Variants in MDGA2 observed in about 807,000 individuals in gnomAD.
MDGA2 encodes MAM domain-containing glycosylphosphatidylinositol anchor protein 2.
A neutral mutation model predicts 117.8 loss-of-function variants in MDGA2; 40 were observed. The ratio of observed to expected loss-of-function variants is 0.34; its 90% CI spans 0.26 to 0.44. The LOEUF (loss-of-function observed/expected upper bound fraction) is 0.44, where lower values mean the gene tolerates loss of function less well. Among genes scored for constraint, MDGA2 ranks in the 20% least tolerant of loss-of-function variants. MDGA2 has a pLI of 1.00. For synonymous variants in MDGA2, 452 were observed against 439.0 expected (o/e 1.03, Z -0.37); for missense variants, 1,123 against 1,250.6 (o/e 0.90, Z 1.54).
chr14:47,341,779 G>T (rs1220160176), intron 1 of MDGA2, among the ~76,000 whole-genome samples: 3 of 152,160 alleles, frequency 2.0e-5, no homozygotes, highest in Non-Finnish European at 4.4e-5. Flanking sequence ...GGCTGAAGTG[G>T]AGAAAACAGC....
rs17117918 is a variant in MDGA2 at position 47,024,164 on chromosome 14, C to T, written c.1819+10847G>A. Reference sequence around the variant, plus strand: ...TCATACATAGCTCTCTAAATATCTGCATCATCTGCCTCTATATCTATGTAT... The same window carrying T: ...TCATACATAGCTCTCTAAATATCTGTATCATCTGCCTCTATATCTATGTAT... On this transcript the variant is annotated intron_variant, in intron 8 of 16. Coordinates refer to ENST00000399232, the MANE Select transcript of MDGA2 (RefSeq NM_001113498.3). 4.2e-3 allele frequency among the ~76,000 whole-genome samples: 639 copies of T among 152,254 alleles called. 7 individuals are homozygous for T. The highest frequency in any genetic ancestry group is 0.015 in the African/African-American group (610 of 41,572).
At chr14:47,148,790 G>A (rs552706792) in intron 3 of MDGA2, among the ~76,000 whole-genome samples, 6 of 152,262 alleles carry the variant, frequency 3.9e-5, no homozygotes, top group African/African-American at 1.4e-4. Flanking sequence ...ATTGCCTCAG[G>A]TACAGAAATT....
chr14:47,455,464 C>T (rs1893329860), intron 1 of MDGA2, among the ~76,000 whole-genome samples: 1 of 151,906 alleles, frequency 6.6e-6, no homozygotes, highest in Non-Finnish European at 1.5e-5. Flanking sequence ...CAAGATCATG[C>T]CACTTTACTC....
intron 1 of MDGA2, among the ~76,000 whole-genome samples, chr14:47,655,694 A>T (rs75768344): frequency 0.016 from 2,509 of 152,220 alleles, 66 homozygotes; most frequent in African/African-American, 0.056. Flanking sequence ...TTTCCCCATC[A>T]ATAAGAAGGT....
intron 8 of MDGA2, among the ~76,000 whole-genome samples, chr14:47,022,062 A>T (rs1053637328): frequency 3.0e-4 from 45 of 152,216 alleles, no homozygotes; most frequent in African/African-American, 1.0e-3. Flanking sequence ...AATCTAAATC[A>T]TTTGAAAATA....
chr14:47,409,257 T>C (rs554781736), intron 1 of MDGA2, among the ~76,000 whole-genome samples: 1 of 152,322 alleles, frequency 6.6e-6, no homozygotes, highest in South Asian at 2.1e-4. Flanking sequence ...TGAGGTTACT[T>C]CGCCAAACCA....
chr14:46,925,910 A>C (rs1884315180), intron 9 of MDGA2, among the ~76,000 whole-genome samples: 1 of 152,146 alleles, frequency 6.6e-6, no homozygotes, highest in South Asian at 2.1e-4. Flanking sequence ...GAGAAAAATG[A>C]ATATGTTATA....
chr14:47,475,912 T>C (rs1471278610), intron 1 of MDGA2, among the ~76,000 whole-genome samples: 1 of 152,206 alleles, frequency 6.6e-6, no homozygotes, highest in Non-Finnish European at 1.5e-5. Flanking sequence ...ATGTTTGTCA[T>C]GTTTGACATG....
intron 1 of MDGA2, among the ~76,000 whole-genome samples, chr14:47,366,843 A>G (rs1355886417): frequency 8.3e-6 from 1 of 119,846 alleles, no homozygotes; most frequent in Non-Finnish European, 1.9e-5. Context: ...TAAATACCTT[A>G]AAGATTATGT....
intron 6 of MDGA2, among the ~76,000 whole-genome samples, chr14:47,069,185 T>C (rs905705400): frequency 2.6e-5 from 4 of 152,214 alleles, no homozygotes; most frequent in African/African-American, 9.7e-5. Context: ...TGGGTTTCAC[T>C]GATGCTACTC....
intron 3 of MDGA2, among the ~76,000 whole-genome samples, chr14:47,214,867 A>G (rs192232864): frequency 1.7e-4 from 26 of 152,266 alleles, no homozygotes; most frequent in Admixed American, 1.4e-3. Flanking sequence ...TTACATTAAT[A>G]TATACATTAT....
intron 1 of MDGA2, among the ~76,000 whole-genome samples, chr14:47,336,605 C>T (rs1890465903): frequency 6.6e-6 from 1 of 151,842 alleles, no homozygotes. Context: ...TGAGTCACTA[C>T]ATTAGATTAA....
intron 5 of MDGA2, among the ~76,000 whole-genome samples, chr14:47,098,507 G>A (rs1202803926): frequency 2.0e-5 from 3 of 151,470 alleles, no homozygotes; most frequent in Non-Finnish European, 4.4e-5. Flanking sequence ...CATGAAAAAA[G>A]TATGCAAAAG....
At chr14:47,152,614 C>T (rs1279538069) in intron 3 of MDGA2, among the ~76,000 whole-genome samples, 1 of 151,498 alleles carries the variant, frequency 6.6e-6, no homozygotes, top group East Asian at 1.9e-4. Context: ...TACATGTCTA[C>T]AATATGGTAA....
At chr14:47,377,270 C>G (rs915788809) in intron 1 of MDGA2, among the ~76,000 whole-genome samples, 7 of 152,016 alleles carry the variant, frequency 4.6e-5, no homozygotes, top group African/African-American at 1.4e-4. Context: ...CAAATAGAAA[C>G]AGCTCCAGTC....
chr14:47,519,792 T>G (rs1168602242), intron 1 of MDGA2, among the ~76,000 whole-genome samples: 1 of 152,162 alleles, frequency 6.6e-6, no homozygotes, highest in East Asian at 1.9e-4. Context: ...GATAATGATA[T>G]CCAAATGAGT....
chr14:47,166,208 G>T (rs1482360242), intron 3 of MDGA2, among the ~76,000 whole-genome samples: 1 of 151,656 alleles, frequency 6.6e-6, no homozygotes, highest in Non-Finnish European at 1.5e-5. Context: ...GCTAATTTTT[G>T]TATTTTTAGT....
intron 2 of MDGA2, among the ~76,000 whole-genome samples, chr14:47,298,436 T>G (rs1156684322): frequency 6.6e-6 from 1 of 152,142 alleles, no homozygotes; most frequent in African/African-American, 2.4e-5. Flanking sequence ...GGCAGCAGAT[T>G]AAGAAATCTG....
intron 8 of MDGA2, among the ~76,000 whole-genome samples, chr14:46,960,015 A>C (rs1365219357): frequency 6.6e-6 from 1 of 152,020 alleles, no homozygotes; most frequent in African/African-American, 2.4e-5. Flanking sequence ...CGAGGTCAGG[A>C]CTTCGAGACC....
Sources: allele counts gnomAD v4.1 joint callset (sites outside exome capture counted in the v4.1 genomes callset), GRCh38; gene constraint gnomAD v4.1.1; transcripts MANE v1.5; gene names NCBI Gene and HGNC (gene_info 2026-07-23, HGNC 2026-07-21).